The following ARMC2 variants were observed in gnomAD, a reference collection of about 807,000 sequenced individuals.
ARMC2 encodes armadillo repeat containing 2.
ARMC2 carries 67 observed loss-of-function variants against 90.3 expected under a neutral mutation model. That is an observed-to-expected ratio of 0.74 (90% CI 0.61 to 0.91). The LOEUF (loss-of-function observed/expected upper bound fraction) is 0.91, where lower values mean the gene tolerates loss of function less well. Among genes scored for constraint, ARMC2 ranks in the 40% least tolerant of loss-of-function variants. The probability of loss-of-function intolerance (pLI) is 0.00; values close to 1 mark genes in which losing one functional copy is unlikely to be tolerated. For missense variants in ARMC2, 920 were observed against 1,030.9 expected, an observed-to-expected ratio of 0.89 and a Z score of 1.47; for synonymous variants, 393 against 393.0, an observed-to-expected ratio of 1.00 and a Z score of 0.00.
chr6:109,034,824 C>A, the ARMC2 span, among the ~76,000 whole-genome samples: 1 of 152,182 alleles, frequency 6.6e-6, no homozygotes, highest in Admixed American at 6.5e-5. Flanking sequence ...GCTGTTGGAA[C>A]AACAGAGAAG....
chr6:108,884,594 A>G (rs1029352057), intron 5 of ARMC2, among the ~76,000 whole-genome samples: 1 of 152,212 alleles, frequency 6.6e-6, no homozygotes, highest in East Asian at 1.9e-4. Context: ...GGAGGAGCAT[A>G]AGCCAGAAGT....
intron 1 of ARMC2, among the ~76,000 whole-genome samples, chr6:108,849,505 T>C (rs1015635569): frequency 1.3e-5 from 2 of 152,222 alleles, no homozygotes; most frequent in Non-Finnish European, 2.9e-5. Context: ...ATTGTGCACA[T>C]GTACCCTAGA....
the ARMC2 span, among the ~76,000 whole-genome samples, chr6:108,995,876 T>G: frequency 6.6e-6 from 1 of 152,214 alleles, no homozygotes; most frequent in Non-Finnish European, 1.5e-5. Context: ...CCAGGAATGC[T>G]TTTAAGACCT....
At chr6:108,878,847 A>G (rs1777187104) in intron 5 of ARMC2, among the ~76,000 whole-genome samples, 1 of 152,224 alleles carries the variant, frequency 6.6e-6, no homozygotes. Context: ...GATTGAAAGT[A>G]ATGCAGCTGC....
At chr6:108,970,460 ATTTTCTTTCTTTC>A (rs1420431300) in intron 17 of ARMC2, among the ~76,000 whole-genome samples, 1 of 136,352 alleles carries the variant, frequency 7.3e-6, no homozygotes, top group East Asian at 2.2e-4. Context: ...AACAGAATGC[ATTTTCTTTCTTTC>A]TTTTCTTTTT....
chr6:108,961,621 G>T lies in ARMC2; in HGVS notation c.1965G>T (p.Ala655=). ...AGGAGCTGGTGATCAATGCTACAGC[G>T]ACAATCAACAATTTATCTTACTACC... ...DCEELVINAT[A]TINNLSYYQV... The change falls in exon 14 of 18, where the codon GCG becomes GCT. Residue 655 remains alanine, a synonymous_variant. Transcript: ENST00000392644. 1.2e-6 allele frequency: 2 copies of T among 1,612,186 alleles called. No homozygotes were observed. Among genetic ancestry groups the T allele is most frequent in the South Asian group, 1.1e-5 (1 of 90,894 alleles).
At chr6:108,995,165 T>C in the ARMC2 span, among the ~76,000 whole-genome samples, 2 of 152,232 alleles carry the variant, frequency 1.3e-5, no homozygotes, top group African/African-American at 4.8e-5. Context: ...TTTTACCTTA[T>C]AAAATTAGCA....
the ARMC2 span, among the ~76,000 whole-genome samples, chr6:109,020,852 G>C: frequency 6.6e-6 from 1 of 152,110 alleles, no homozygotes. Context: ...TATTTTCTGT[G>C]ACTATCATCA....
the ARMC2 span, among the ~76,000 whole-genome samples, chr6:108,996,568 T>C: frequency 2.0e-5 from 3 of 152,134 alleles, no homozygotes; most frequent in South Asian, 2.1e-4. Flanking sequence ...ATAAATTATA[T>C]TGAAATAAGA....
At chr6:108,963,069 G>C (rs959143123) in intron 15 of ARMC2, among the ~76,000 whole-genome samples, 1 of 152,118 alleles carries the variant, frequency 6.6e-6, no homozygotes, top group African/African-American at 2.4e-5. Flanking sequence ...GATGTCCAAA[G>C]ATTATAATTG....
At chr6:109,008,793 A>C in the ARMC2 span, 1 of 985,374 alleles carries the variant, frequency 1.0e-6, no homozygotes, top group Non-Finnish European at 1.2e-6. Context: ...CTTAATACGC[A>C]AGAGTAAACG....
chr6:108,907,587 G>T, intron 8 of ARMC2: 1 of 1,533,848 alleles, frequency 6.5e-7, no homozygotes, highest in Non-Finnish European at 9.0e-7. Flanking sequence ...CGTGGGGTGG[G>T]GGGGTGCAGA....
chr6:108,928,117 TTCA>T lies in ARMC2; in HGVS notation c.1385_1387del (p.Ser462del). The T allele has an allele frequency of 6.2e-7, 1 of 1,608,444 alleles. No individual in the cohort carries two copies. Among genetic ancestry groups the T allele is most frequent in the South Asian group, 1.1e-5 (1 of 89,616 alleles). On this transcript the variant is annotated inframe_deletion, in exon 11 of 18. Transcript: ENST00000392644. ...CTGCTACATTGAGAAACTTGGTTGA[TTCA>T]TCATTAGTAAGAAGTAAGTTCCTAA...
chr6:108,939,513 G>A (rs556665550), intron 12 of ARMC2, among the ~76,000 whole-genome samples: 36 of 152,148 alleles, frequency 2.4e-4, no homozygotes, highest in Non-Finnish European at 5.1e-4. Flanking sequence ...CATGTAAGAT[G>A]TGCCTGTTTC....
At chr6:109,041,487 C>T in the ARMC2 span, among the ~76,000 whole-genome samples, 2 of 151,744 alleles carry the variant, frequency 1.3e-5, no homozygotes, top group African/African-American at 2.4e-5. Context: ...AATGAAAAAG[C>T]GGTAGAAGTT....
intron 6 of ARMC2, among the ~76,000 whole-genome samples, chr6:108,895,441 G>A (rs1307720913): frequency 1.4e-5 from 2 of 138,168 alleles, no homozygotes; most frequent in South Asian, 2.3e-4. Context: ...TCTAGACCAC[G>A]CCGCTGCACT....
At chr6:108,991,325 T>TC in the ARMC2 span, among the ~76,000 whole-genome samples, 1 of 152,166 alleles carries the variant, frequency 6.6e-6, no homozygotes. Flanking sequence ...CACTGCAGTC[T>TC]CCAACTGCTG....
At chr6:108,869,222 A>G (rs879307017) in intron 4 of ARMC2, among the ~76,000 whole-genome samples, 4 of 152,228 alleles carry the variant, frequency 2.6e-5, no homozygotes, top group Admixed American at 6.5e-5. Context: ...AAATTAGGAT[A>G]AGTGACTGGG....
chr6:108,940,524 A>G (rs2128495251), intron 12 of ARMC2, among the ~76,000 whole-genome samples: 1 of 152,204 alleles, frequency 6.6e-6, no homozygotes, highest in South Asian at 2.1e-4. Flanking sequence ...TTCTTATTAT[A>G]CAAATGGTGT....
Sources: allele counts gnomAD v4.1 joint callset (sites outside exome capture counted in the v4.1 genomes callset), GRCh38; gene constraint gnomAD v4.1.1; transcripts MANE v1.5; gene names NCBI Gene and HGNC (gene_info 2026-07-23, HGNC 2026-07-21).